IGSF21: variants seen among roughly 807,000 people sequenced by gnomAD.
IGSF21 encodes immunoglobulin superfamily member 21.
In IGSF21, 28 loss-of-function variants were observed where a neutral mutation model predicts 46.8. That is an observed-to-expected ratio of 0.60 (90% CI 0.44 to 0.82). The LOEUF (loss-of-function observed/expected upper bound fraction) is 0.82, where lower values mean the gene tolerates loss of function less well. Among genes scored for constraint, IGSF21 ranks in the 40% least tolerant of loss-of-function variants. The pLI is 0.00. For missense variants in IGSF21, 624 were observed against 665.5 expected, an observed-to-expected ratio of 0.94 and a Z score of 0.69; for synonymous variants, 284 against 273.6, an observed-to-expected ratio of 1.04 and a Z score of -0.38.
At chr1:18,130,030 C>A (rs2086304500) in intron 1 of IGSF21, among the ~76,000 whole-genome samples, 1 of 152,180 alleles carries the variant, frequency 6.6e-6, no homozygotes, top group South Asian at 2.1e-4. Flanking sequence ...GTTAAAGCAG[C>A]ACAAAACAGG....
chr1:18,180,333 T>C (rs192450189), intron 1 of IGSF21, among the ~76,000 whole-genome samples: 50 of 152,244 alleles, frequency 3.3e-4, no homozygotes, highest in African/African-American at 1.2e-3. Flanking sequence ...ATGAAACATG[T>C]CTGGCACATA....
At position 18,198,363 on chromosome 1, in the gene IGSF21, G is replaced by A. The variant is rs74058327; in HGVS notation, c.71-29535G>A. 5.2e-3 allele frequency among the ~76,000 whole-genome samples: 785 copies of A among 152,274 alleles called. 6 individuals are homozygous for A. The highest frequency in any genetic ancestry group is 0.017 in the African/African-American group (725 of 41,548). Reference sequence around the variant, plus strand: ...TCCTGAGATGCCATTTATAGCTGCCGGGACCCACATGGGCCCGTAGGGTGG... The same window carrying A: ...TCCTGAGATGCCATTTATAGCTGCCAGGACCCACATGGGCCCGTAGGGTGG... On this transcript the variant is annotated intron_variant, in intron 1 of 9. Transcript: ENST00000251296.
intron 1 of IGSF21, among the ~76,000 whole-genome samples, chr1:18,178,137 A>G (rs926253997): frequency 1.1e-4 from 17 of 152,110 alleles, no homozygotes; most frequent in African/African-American, 4.1e-4. Flanking sequence ...GAAAAGAGAG[A>G]AAGGGAGTGT....
At chr1:18,333,494 C>A (rs1252860636) in intron 3 of IGSF21, among the ~76,000 whole-genome samples, 1 of 152,182 alleles carries the variant, frequency 6.6e-6, no homozygotes, top group African/African-American at 2.4e-5. Flanking sequence ...TTACAAAAGT[C>A]CTGCAGGGAC....
intron 1 of IGSF21, among the ~76,000 whole-genome samples, chr1:18,148,723 G>T (rs559955593): frequency 2.0e-5 from 3 of 152,164 alleles, no homozygotes; most frequent in African/African-American, 7.2e-5. Flanking sequence ...TGTGTGCCAC[G>T]GTGAGTAAGC....
chr1:18,367,078 C>T (rs1025311272), intron 6 of IGSF21, among the ~76,000 whole-genome samples: 2 of 152,130 alleles, frequency 1.3e-5, no homozygotes, highest in African/African-American at 4.8e-5. Context: ...TGCCTGGGCT[C>T]ATACTCCAAA....
At chr1:18,244,470 C>T (rs1012432921) in intron 2 of IGSF21, among the ~76,000 whole-genome samples, 3 of 152,312 alleles carry the variant, frequency 2.0e-5, no homozygotes, top group East Asian at 1.9e-4. Context: ...TCTGAAAGCT[C>T]GTGAAGGAAA....
At chr1:18,135,157 C>T (rs548109154) in intron 1 of IGSF21, among the ~76,000 whole-genome samples, 21 of 152,292 alleles carry the variant, frequency 1.4e-4, no homozygotes, top group African/African-American at 5.1e-4. Flanking sequence ...AGGCTCTGCC[C>T]AAGATGCCTC....
At chr1:18,278,158 G>C (rs2085120737) in intron 2 of IGSF21, among the ~76,000 whole-genome samples, 1 of 152,078 alleles carries the variant, frequency 6.6e-6, no homozygotes, top group South Asian at 2.1e-4. Context: ...CATCGAGAGG[G>C]ATGAATGGAG....
At chr1:18,273,749 C>A (rs2085074418) in intron 2 of IGSF21, among the ~76,000 whole-genome samples, 1 of 151,856 alleles carries the variant, frequency 6.6e-6, no homozygotes, top group South Asian at 2.1e-4. Flanking sequence ...ACACTAGACT[C>A]TTGAACTTCC....
intron 1 of IGSF21, among the ~76,000 whole-genome samples, chr1:18,178,401 C>T (rs1347760050): frequency 6.6e-6 from 1 of 151,392 alleles, no homozygotes; most frequent in African/African-American, 2.4e-5. Context: ...ATCCCTGATC[C>T]ACCTCTTACC....
Position 18,359,379 on chromosome 1 carries a change from AAAGAAAGGAAGG to A in IGSF21, c.425-2732_425-2721del, listed in dbSNP as rs1481837515. ...GAAAGAAAGAAAGAAAGAAAGAAAGAAAGAAAGGAAGGAAGGAAGGAAGGAAGGAAGGAAGGA... is the reference window on the plus strand; with the variant it reads ...GAAAGAAAGAAAGAAAGAAAGAAAGAAAGGAAGGAAGGAAGGAAGGAAGGA... On this transcript the variant is annotated intron_variant, in intron 4 of 9. Transcript: ENST00000251296. Among the ~76,000 whole-genome samples the A allele has an allele frequency of 3.0e-3, 245 of 82,310 alleles. 1 individual carries two copies. Among genetic ancestry groups the A allele is most frequent in the South Asian group, 2.9e-3 (7 of 2,418 alleles). The allele number at this position is 82,310 out of a possible 152,430, so 54.0% of individuals were successfully genotyped here.
chr1:18,150,250 T>G (rs2086509504), intron 1 of IGSF21, among the ~76,000 whole-genome samples: 1 of 152,056 alleles, frequency 6.6e-6, no homozygotes, highest in South Asian at 2.1e-4. Flanking sequence ...GAAAGAGAAT[T>G]TAGGTTTTGG....
intron 4 of IGSF21, among the ~76,000 whole-genome samples, chr1:18,348,317 C>A (rs1049240362): frequency 1.3e-5 from 2 of 152,182 alleles, no homozygotes; most frequent in African/African-American, 2.4e-5. Context: ...GTGTCTGAAG[C>A]CCCCTGGGGC....
intron 4 of IGSF21, among the ~76,000 whole-genome samples, chr1:18,343,690 C>T (rs150290231): frequency 3.4e-3 from 514 of 152,338 alleles, no homozygotes; most frequent in African/African-American, 0.012. Context: ...CACCATTTGT[C>T]GAACACACTA....
At chr1:18,146,225 G>T (rs975945932) in intron 1 of IGSF21, among the ~76,000 whole-genome samples, 7 of 152,150 alleles carry the variant, frequency 4.6e-5, no homozygotes, top group Non-Finnish European at 8.8e-5. Context: ...AACTGCAAAG[G>T]ACAGATCTCT....
intron 1 of IGSF21, 45 bp from the exon 2 acceptor site, chr1:18,227,853 T>C (rs1165255576): frequency 1.7e-5 from 25 of 1,452,330 alleles, no homozygotes; most frequent in Middle Eastern, 1.7e-4. Flanking sequence ...CCAGCCCCTC[T>C]GATCTGCTCG....
intron 1 of IGSF21, among the ~76,000 whole-genome samples, chr1:18,139,317 G>T (rs185736670): frequency 6.6e-6 from 1 of 152,010 alleles, no homozygotes; most frequent in South Asian, 2.1e-4. Context: ...GATGGGAGCC[G>T]GGGCATCTGA....
chr1:18,139,032 C>T (rs778924716), intron 1 of IGSF21, among the ~76,000 whole-genome samples: 2 of 152,172 alleles, frequency 1.3e-5, no homozygotes, highest in African/African-American at 4.8e-5. Context: ...CACATCCTTA[C>T]CCACTGAATT....
Sources: gnomAD v4.1 joint callset for allele counts (sites outside exome capture counted in the v4.1 genomes callset) on GRCh38, gnomAD v4.1.1 for gene constraint, MANE v1.5 for transcripts, NCBI Gene and HGNC (gene_info 2026-07-23, HGNC 2026-07-21) for gene names.